Variants in ARID1B observed in about 807,000 individuals in gnomAD.
The protein encoded by ARID1B is AT-rich interactive domain-containing protein 1B.
A neutral mutation model predicts 212.3 loss-of-function variants in ARID1B; 30 were observed. The ratio of observed to expected loss-of-function variants is 0.14; its 90% CI spans 0.11 to 0.19. The LOEUF (loss-of-function observed/expected upper bound fraction) is 0.19. ARID1B is among the 10% of genes least tolerant of loss of function. The pLI is 1.00. For missense variants in ARID1B, 2,891 were observed against 3,204.0 expected (o/e 0.90, Z 2.36); for synonymous variants, 1,402 against 1,301.7 (o/e 1.08, Z -1.66).
chr6:157,197,408 G>C (rs1793802668), intron 16 of ARID1B, among the ~76,000 whole-genome samples: 1 of 152,196 alleles, frequency 6.6e-6, no homozygotes, highest in South Asian at 2.1e-4. Flanking sequence ...CAGTGGGAAA[G>C]CTTCCTCAGT....
At chr6:156,776,568 G>A (rs1778635106), upstream of ARID1B, 1 of 152,192 alleles carries the variant, frequency 6.6e-6, no homozygotes, top group South Asian at 2.1e-4. Flanking sequence ...GGCACCAAGA[G>A]TTAAATGTTC....
chr6:156,931,034 C>CA (rs909330108), intron 3 of ARID1B, among the ~76,000 whole-genome samples: 39 of 151,880 alleles, frequency 2.6e-4, no homozygotes, highest in African/African-American at 5.8e-4. Flanking sequence ...ACTAAAAATA[C>CA]AAAAAATTAG....
At chr6:157,048,500 G>A (rs887636606) in intron 4 of ARID1B, among the ~76,000 whole-genome samples, 1 of 152,124 alleles carries the variant, frequency 6.6e-6, no homozygotes, top group Non-Finnish European at 1.5e-5. Flanking sequence ...AACAAGTTTG[G>A]AAGGAATAAA....
intron 2 of ARID1B, among the ~76,000 whole-genome samples, chr6:156,841,170 T>C (rs1280801566): frequency 1.3e-5 from 2 of 152,214 alleles, no homozygotes; most frequent in Non-Finnish European, 2.9e-5. Flanking sequence ...TCCATGTTTG[T>C]GCTGGGATCA....
intron 4 of ARID1B, among the ~76,000 whole-genome samples, chr6:156,957,082 A>C (rs772446796): frequency 2.6e-5 from 4 of 152,228 alleles, no homozygotes; most frequent in Non-Finnish European, 5.9e-5. Context: ...TTACAAGGAT[A>C]CAAGAGATTG....
At chr6:156,970,513 C>G (rs1025015538) in intron 4 of ARID1B, among the ~76,000 whole-genome samples, 1 of 152,218 alleles carries the variant, frequency 6.6e-6, no homozygotes, top group African/African-American at 2.4e-5. Context: ...ACCAAGATTA[C>G]TGAGTCTGCT....
At chr6:157,158,722 C>G (rs1214603082) in intron 8 of ARID1B, among the ~76,000 whole-genome samples, 1 of 152,170 alleles carries the variant, frequency 6.6e-6, no homozygotes, top group Admixed American at 6.5e-5. Context: ...CCCCTTTATA[C>G]CTTGTGACCT....
chr6:156,783,728 G>C (rs1413020343), intron 1 of ARID1B, among the ~76,000 whole-genome samples: 1 of 152,124 alleles, frequency 6.6e-6, no homozygotes, highest in Non-Finnish European at 1.5e-5. Flanking sequence ...AGACTCACTG[G>C]GGATGTAAAT....
intron 2 of ARID1B, among the ~76,000 whole-genome samples, chr6:156,843,710 G>A (rs1041969331): frequency 3.3e-5 from 5 of 152,160 alleles, no homozygotes; most frequent in African/African-American, 1.2e-4. Context: ...TATCTCATGT[G>A]TCCATTGCTA....
intron 6 of ARID1B, among the ~76,000 whole-genome samples, chr6:157,132,267 A>C (rs994092073): frequency 1.3e-5 from 2 of 152,228 alleles, no homozygotes; most frequent in African/African-American, 2.4e-5. Flanking sequence ...AGAGGAAAGA[A>C]GGAAAGGGTG....
intron 3 of ARID1B, among the ~76,000 whole-genome samples, chr6:156,904,199 C>T (rs1562474058): frequency 6.6e-6 from 1 of 152,124 alleles, no homozygotes; most frequent in African/African-American, 2.4e-5. Context: ...CCTATTTTTA[C>T]ACAAATGATG....
intron 8 of ARID1B, among the ~76,000 whole-genome samples, chr6:157,163,316 C>T (rs1791072414): frequency 6.6e-6 from 1 of 152,134 alleles, no homozygotes; most frequent in Non-Finnish European, 1.5e-5. Context: ...ACAGACTCCT[C>T]CTAGGTTAGC....
chr6:157,089,497 T>A (rs550220196), intron 5 of ARID1B, among the ~76,000 whole-genome samples: 19 of 152,134 alleles, frequency 1.2e-4, no homozygotes, highest in Non-Finnish European at 2.4e-4. Flanking sequence ...AGAATGGAGA[T>A]TTTTTATGTT....
At chr6:157,068,655 A>G (rs1215841939) in intron 4 of ARID1B, among the ~76,000 whole-genome samples, 1 of 152,220 alleles carries the variant, frequency 6.6e-6, no homozygotes, top group East Asian at 1.9e-4. Context: ...ACAAAGTTAT[A>G]TTTTTACTAA....
intron 2 of ARID1B, among the ~76,000 whole-genome samples, chr6:156,847,086 G>C (rs1296332771): frequency 6.6e-6 from 1 of 152,008 alleles, no homozygotes; most frequent in Non-Finnish European, 1.5e-5. Context: ...TCCCATGGAA[G>C]AGTAGAGAGA....
chr6:156,863,778 T>C (rs574152775), intron 2 of ARID1B, among the ~76,000 whole-genome samples: 1 of 152,294 alleles, frequency 6.6e-6, no homozygotes, highest in South Asian at 2.1e-4. Flanking sequence ...TTTTCAGCTG[T>C]TGGTTGGATG....
At chr6:156,918,356 G>C (rs904310485) in intron 3 of ARID1B, among the ~76,000 whole-genome samples, 1 of 151,996 alleles carries the variant, frequency 6.6e-6, no homozygotes, top group African/African-American at 2.4e-5. Flanking sequence ...AACCTTACAA[G>C]GCCTGTGGAA....
chr6:157,027,582 A>G (rs1457441924), intron 4 of ARID1B, among the ~76,000 whole-genome samples: 1 of 152,266 alleles, frequency 6.6e-6, no homozygotes, highest in Non-Finnish European at 1.5e-5. Context: ...GTGACACACA[A>G]TCGAGATGTA....
chr6:156,994,890 C>T (rs975634866), intron 4 of ARID1B, among the ~76,000 whole-genome samples: 7 of 152,366 alleles, frequency 4.6e-5, no homozygotes, highest in Admixed American at 1.3e-4. Context: ...CAGCCATGCA[C>T]CAGTGCCTGC....
Sources: allele counts gnomAD v4.1 joint callset (sites outside exome capture counted in the v4.1 genomes callset), GRCh38; gene constraint gnomAD v4.1.1; transcripts MANE v1.5; gene names NCBI Gene and HGNC (gene_info 2026-07-23, HGNC 2026-07-21).